Variants in PDE8A observed in about 807,000 individuals in gnomAD.
PDE8A encodes the protein phosphodiesterase 8A, also known as high affinity cAMP-specific and IBMX-insensitive 3',5'-cyclic phosphodiesterase 8A.
Under a neutral mutation model 105.0 loss-of-function variants are expected in PDE8A, and 59 were observed. The observed-to-expected ratio is 0.56, with a 90% CI of 0.46 to 0.70. The LOEUF is 0.70. Among genes scored for constraint, PDE8A ranks in the 30% least tolerant of loss-of-function variants. The pLI is 0.00. For synonymous variants in PDE8A, 355 were observed against 371.9 expected (o/e 0.95, Z 0.52); for missense variants, 1,014 against 1,045.9 (o/e 0.97, Z 0.42).
At chr15:85,029,025 G>A (rs1232087378) in intron 1 of PDE8A, among the ~76,000 whole-genome samples, 2 of 152,160 alleles carry the variant, frequency 1.3e-5, no homozygotes, top group East Asian at 3.9e-4. Flanking sequence ...TGTTCGTCAA[G>A]CTGAAGACCA....
intron 11 of PDE8A, among the ~76,000 whole-genome samples, chr15:85,101,742 GGAAGAGA>G (rs1281459205): frequency 1.8e-4 from 27 of 152,322 alleles, no homozygotes; most frequent in Admixed American, 4.6e-4. Context: ...GATGACAGTA[GGAAGAGA>G]GAAGAGAGAC....
chr15:85,129,625 A>T (rs776264915), intron 20 of PDE8A, among the ~76,000 whole-genome samples: 3 of 151,858 alleles, frequency 2.0e-5, no homozygotes, highest in Non-Finnish European at 4.4e-5. Context: ...CATCTAGCCA[A>T]AGATTTGTCA....
intron 1 of PDE8A, among the ~76,000 whole-genome samples, chr15:84,983,536 C>G (rs1364038071): frequency 2.0e-5 from 3 of 152,204 alleles, no homozygotes; most frequent in Non-Finnish European, 4.4e-5. Context: ...TTCCCATACC[C>G]TAAGTGAAAA....
Position 84,997,190 on chromosome 15 carries a change from C to T in PDE8A, c.186+14842C>T, listed in dbSNP as rs557687755. 4.0e-5 allele frequency among the ~76,000 whole-genome samples: 6 copies of T among 151,826 alleles called. No individual in the cohort carries two copies. In the East Asian group the frequency reaches 9.7e-4, roughly 24 times the overall value. ...CATACTTACTCTATAAGCTTTTCTC[C>T]ATTATGTTTTTTTTTCTTTTTGAGA... On this transcript the variant is annotated intron_variant, in intron 1 of 21. Coordinates refer to ENST00000394553, the MANE Select transcript of PDE8A (RefSeq NM_002605.3).
intron 21 of PDE8A, among the ~76,000 whole-genome samples, chr15:85,137,345 C>T (rs907891130): frequency 2.6e-5 from 4 of 152,074 alleles, no homozygotes; most frequent in African/African-American, 9.7e-5. Context: ...TGAGACCAGA[C>T]GCGTGTGTCC....
chr15:85,118,189 C>A (rs2082125852), intron 17 of PDE8A, among the ~76,000 whole-genome samples: 1 of 152,198 alleles, frequency 6.6e-6, no homozygotes, highest in Non-Finnish European at 1.5e-5. Context: ...GGGCCTCCAT[C>A]TGTACATGAA....
intron 5 of PDE8A, among the ~76,000 whole-genome samples, chr15:85,079,125 A>G (rs1290167193): frequency 6.6e-6 from 1 of 152,198 alleles, no homozygotes; most frequent in Admixed American, 6.5e-5. Context: ...ATGTACCCAC[A>G]CTTATGCATA....
At chr15:85,054,612 T>C (rs1596475425) in intron 1 of PDE8A, among the ~76,000 whole-genome samples, 3 of 152,228 alleles carry the variant, frequency 2.0e-5, no homozygotes, top group Admixed American at 2.0e-4. Flanking sequence ...TAGAGGTGTT[T>C]ATAGTATTCT....
At chr15:85,054,161 A>G (rs1400768233) in intron 1 of PDE8A, among the ~76,000 whole-genome samples, 1 of 152,200 alleles carries the variant, frequency 6.6e-6, no homozygotes, top group African/African-American at 2.4e-5. Flanking sequence ...CATCCCAGAG[A>G]TGAAGCCAAC....
chr15:85,047,590 C>A (rs1054504225), intron 1 of PDE8A, among the ~76,000 whole-genome samples: 1 of 152,160 alleles, frequency 6.6e-6, no homozygotes, highest in African/African-American at 2.4e-5. Context: ...AAAATTTTTA[C>A]GTGGCAAAAT....
At chr15:85,092,831 A>C (rs2081667955) in intron 8 of PDE8A, among the ~76,000 whole-genome samples, 1 of 152,134 alleles carries the variant, frequency 6.6e-6, no homozygotes, top group African/African-American at 2.4e-5. Context: ...CTCAAACTTG[A>C]ATAGCAAGAG....
Position 85,089,864 on chromosome 15 carries a change from A to G in PDE8A, c.714+448A>G, listed in dbSNP as rs188147170. On this transcript the variant is annotated intron_variant, in intron 7 of 21. Transcript: ENST00000394553. ...AACAACTAAAAGTTTCAGAAATAAC[A>G]TACCTAGTAAGTGCTGAATAAATTA... Among the ~76,000 whole-genome samples the G allele has an allele frequency of 2.0e-5, 3 of 152,358 alleles. No individual in the cohort carries two copies. In the East Asian group the frequency reaches 5.8e-4, roughly 29 times the overall value.
intron 8 of PDE8A, among the ~76,000 whole-genome samples, chr15:85,095,015 T>C (rs2081719053): frequency 6.6e-6 from 1 of 152,206 alleles, no homozygotes; most frequent in Non-Finnish European, 1.5e-5. Flanking sequence ...CAGTTTATCA[T>C]GTGCACACAC....
At chr15:84,980,829 A>G (rs1414271737), upstream of PDE8A, 2 of 152,304 alleles carry the variant, frequency 1.3e-5, no homozygotes, top group South Asian at 2.1e-4. Context: ...CACTTTGGTT[A>G]AAATGAGAGG....
chr15:85,133,218 C>T (rs1187160343), intron 20 of PDE8A, among the ~76,000 whole-genome samples: 1 of 152,142 alleles, frequency 6.6e-6, no homozygotes, highest in Non-Finnish European at 1.5e-5. Flanking sequence ...AGGTTATCCT[C>T]AGGGCCTTAG....
intron 6 of PDE8A, among the ~76,000 whole-genome samples, chr15:85,086,019 TAAA>T (rs543939248): frequency 3.8e-5 from 4 of 104,494 alleles, no homozygotes; most frequent in Non-Finnish European, 4.5e-5. Flanking sequence ...TCTCAAAAAG[TAAA>T]AAAAAAAAAA....
chr15:85,132,654 T>C (rs1448769824), intron 20 of PDE8A, among the ~76,000 whole-genome samples: 2 of 152,106 alleles, frequency 1.3e-5, no homozygotes, highest in Non-Finnish European at 2.9e-5. Context: ...TTAGTAGAGA[T>C]GAGGTTTCGC....
chr15:85,059,822 A>G (rs1263750363), intron 1 of PDE8A, among the ~76,000 whole-genome samples: 1 of 152,182 alleles, frequency 6.6e-6, no homozygotes, highest in African/African-American at 2.4e-5. Context: ...AGCTTGCACA[A>G]CAAAGCAAGG....
chr15:85,039,717 A>T (rs1219968787), intron 1 of PDE8A, among the ~76,000 whole-genome samples: 2 of 152,214 alleles, frequency 1.3e-5, no homozygotes, highest in Non-Finnish European at 2.9e-5. Flanking sequence ...CGATGTGCTG[A>T]TCCACAGACA....
Sources: allele counts gnomAD v4.1 joint callset (sites outside exome capture counted in the v4.1 genomes callset), GRCh38; gene constraint gnomAD v4.1.1; transcripts MANE v1.5; gene names NCBI Gene and HGNC (gene_info 2026-07-23, HGNC 2026-07-21).